Variants in WDCP observed in about 807,000 individuals in gnomAD.
The protein encoded by WDCP is WD repeat and coiled coil containing.
WDCP carries 19 observed loss-of-function variants against 41.6 expected under a neutral mutation model. The ratio of observed to expected loss-of-function variants is 0.46; its 90% confidence interval spans 0.32 to 0.67. The LOEUF is 0.67. Among genes scored for constraint, WDCP ranks in the 30% least tolerant of loss-of-function variants. WDCP has a pLI of 0.04. For missense variants in WDCP, 802 were observed against 850.7 expected, an observed-to-expected ratio of 0.94 and a Z score of 0.71; for synonymous variants, 302 against 320.8, an observed-to-expected ratio of 0.94 and a Z score of 0.63.
chr2:24,033,095 G>A (rs554184547), intron 2 of WDCP, 149 bp from the exon 3 acceptor site: 36 of 704,496 alleles, frequency 5.1e-5, no homozygotes, highest in Non-Finnish European at 7.1e-5. Context: ...GCTCTTTGCT[G>A]CATTATTTAA....
rs748388772 is a variant in WDCP at position 24,038,633 on chromosome 2, T to C, written c.862A>G (p.Ile288Val). ...SYLEPLDLTH[I>V]HFNQHKSEGN... Reference sequence around the variant, plus strand: ...TCAGACTTATGTTGATTGAAATGTATGTGAGTTAGATCCAGAGGTTCTAAA... The same window carrying C: ...TCAGACTTATGTTGATTGAAATGTACGTGAGTTAGATCCAGAGGTTCTAAA... Residue 288 changes from isoleucine to valine, a missense_variant, in exon 2 of 4, where the codon ATA (isoleucine) becomes GTA (valine). By Grantham distance (29) the Ile-to-Val change is conservative (BLOSUM62 3). Transcript: ENST00000295148. 10 of 1,614,080 alleles carry C rather than the reference T, an allele frequency of 6.2e-6. No homozygotes were observed. The highest frequency in any genetic ancestry group is 8.5e-7 in the Non-Finnish European group (1 of 1,180,030).
intron 2 of WDCP, among the ~76,000 whole-genome samples, chr2:24,036,131 G>T (rs945756668): frequency 6.6e-6 from 1 of 150,742 alleles, no homozygotes; most frequent in Non-Finnish European, 1.5e-5. Context: ...TCACAGCAAA[G>T]CTGTGACTTA....
At position 24,038,917 on chromosome 2, in the gene WDCP, C is replaced by T; in HGVS notation, c.578G>A (p.Arg193Lys). 1.9e-6 allele frequency: 3 copies of T among 1,614,230 alleles called. No individual in the cohort carries two copies. Among genetic ancestry groups the T allele is most frequent in the South Asian group, 1.1e-5 (1 of 91,086 alleles). ...IWDSAQKTLH[R>K]CSSCLVFDVD... Reference sequence around the variant, plus strand: ...ATCAAACACCAGGCAGGAGGAGCACCTGTGAAGAGTCTTCTGAGCGCTGTC... The same window carrying T: ...ATCAAACACCAGGCAGGAGGAGCACTTGTGAAGAGTCTTCTGAGCGCTGTC... Residue 193 changes from arginine (R) to lysine (K), a missense_variant, in exon 2 of 4, where the codon AGG becomes AAG. By Grantham distance (26) the Arg-to-Lys change is conservative (BLOSUM62 2). Transcript: ENST00000295148.
At chr2:24,039,590 G>A (rs536646573) in intron 1 of WDCP, 78 bp from the exon 2 acceptor site, 36 of 1,308,544 alleles carry the variant, frequency 2.8e-5, no homozygotes, top group Admixed American at 6.7e-5. Context: ...GTAAGACAAC[G>A]GCTTAGCCCC....
intron 3 of WDCP, among the ~76,000 whole-genome samples, 195 bp from the exon 4 acceptor site, chr2:24,031,357 G>A (rs1420928339): frequency 1.3e-5 from 2 of 152,074 alleles, no homozygotes; most frequent in African/African-American, 2.4e-5. Context: ...AGAAAAAGGG[G>A]AAAAAATGAA....
At chr2:24,042,231 A>G (rs1452139360) in intron 1 of WDCP, among the ~76,000 whole-genome samples, 3 of 151,738 alleles carry the variant, frequency 2.0e-5, no homozygotes, top group Non-Finnish European at 4.4e-5. Context: ...GAGAAACCCC[A>G]TCTCTACTAA....
intron 1 of WDCP, among the ~76,000 whole-genome samples, chr2:24,042,940 G>T (rs1056981055): frequency 9.9e-5 from 15 of 151,386 alleles, no homozygotes; most frequent in Admixed American, 8.6e-4. Context: ...GGCTGAGGCA[G>T]GAGAATCACT....
intron 2 of WDCP, among the ~76,000 whole-genome samples, chr2:24,036,960 A>T (rs1663274777): frequency 6.6e-6 from 1 of 152,260 alleles, no homozygotes; most frequent in Non-Finnish European, 1.5e-5. Context: ...GTATAATATG[A>T]TCCCACTTAT....
intron 1 of WDCP, among the ~76,000 whole-genome samples, chr2:24,044,936 C>A (rs1663566089): frequency 1.3e-5 from 2 of 151,420 alleles, no homozygotes; most frequent in African/African-American, 4.9e-5. Flanking sequence ...CTTAACAAGG[C>A]AATTAAAACC....
rs1271358282 is a variant in WDCP, at chr2:24,038,995, T to C, written c.500A>G (p.Asp167Gly). 1 of 1,614,088 alleles carries C rather than the reference T, an allele frequency of 6.2e-7. No homozygotes were observed. Among genetic ancestry groups the C allele is most frequent in the Non-Finnish European group, 8.5e-7 (1 of 1,180,040 alleles). The change falls in exon 2 of 4, where the codon GAT becomes GGT. Residue 167 changes from aspartate (D) to glycine (G), a missense_variant. Coordinates refer to ENST00000295148, the MANE Select transcript of WDCP (RefSeq NM_025203.3). ...TACTGCCACCACCAGCCTCAGGCCA[T>C]CCTGGGTCCAACATGCACAGTGAAT... is the stretch of plus-strand genomic sequence containing the variant. ...GRIHCACWTQ[D>G]GLRLVVAVGS... is the part of the protein sequence containing the mutation.
At chr2:24,033,286 T>C in intron 2 of WDCP, 1 of 450,712 alleles carries the variant, frequency 2.2e-6, no homozygotes, top group African/African-American at 2.0e-5. Flanking sequence ...CTGTTTCAGA[T>C]ATAGCTAAGA....
At chr2:24,045,797 ACCC>A (rs1164919770) in intron 1 of WDCP, 3 of 151,764 alleles carry the variant, frequency 2.0e-5, no homozygotes, top group Admixed American at 6.6e-5. Flanking sequence ...ACACAGGGAG[ACCC>A]CAATTCTACA....
At chr2:24,032,718 C>T in intron 3 of WDCP, 111 bp downstream of exon 3, 2 of 711,872 alleles carry the variant, frequency 2.8e-6, no homozygotes, top group Admixed American at 2.2e-5. Context: ...GTTAACTATC[C>T]AGTGAATTAC....
Position 24,029,746 on chromosome 2 carries a change from G to A in WDCP, c.*1187C>T, listed in dbSNP as rs760492119. Reference sequence around the variant, plus strand: ...TTTTAAAGGAAGGGGGGAAAAGGAAGCATATGTGCTAATGGAGCTTCTATG... The same window carrying A: ...TTTTAAAGGAAGGGGGGAAAAGGAAACATATGTGCTAATGGAGCTTCTATG... On this transcript the variant is annotated 3_prime_UTR_variant, in exon 4 of 4. Transcript: ENST00000295148. 2 of 152,230 alleles carry A rather than the reference G, an allele frequency of 1.3e-5. No individual in the cohort carries two copies. The highest frequency in any genetic ancestry group is 1.5e-5 in the Non-Finnish European group (1 of 68,048). The allele number at this position is 152,230 out of a possible 1,614,324, so 9.4% of individuals were successfully genotyped here.
chr2:24,032,744 C>A, intron 3 of WDCP, 85 bp downstream of exon 3: 1 of 767,378 alleles, frequency 1.3e-6, no homozygotes, highest in Non-Finnish European at 2.4e-6. Context: ...GGTTGGTATC[C>A]CTCATTTTCA....
Position 24,030,905 on chromosome 2 carries a change from G to A in WDCP, c.*28C>T. 6.5e-7 allele frequency: 1 copy of A among 1,544,468 alleles called. No homozygotes were observed. Among genetic ancestry groups the A allele is most frequent in the South Asian group, 1.1e-5 (1 of 89,126 alleles). On this transcript the variant is annotated 3_prime_UTR_variant, in exon 4 of 4. Coordinates refer to ENST00000295148, the MANE Select transcript of WDCP (RefSeq NM_025203.3). ...CTTGTTTGTAATGGTCTCATCTGAA[G>A]AGCTACACAGCAAGGACACTGCAGA...
intron 2 of WDCP, among the ~76,000 whole-genome samples, chr2:24,035,725 G>C (rs1325566233): frequency 1.3e-5 from 2 of 151,318 alleles, no homozygotes; most frequent in Non-Finnish European, 2.9e-5. Context: ...AACAAGCCTG[G>C]GCAACATAGC....
Position 24,031,252 on chromosome 2 carries a change from G to A in WDCP, c.1937-90C>T, listed in dbSNP as rs1663088190. 8 of 812,408 alleles carry A rather than the reference G, an allele frequency of 9.8e-6. 1 individual carries two copies. The South Asian group carries it at 1.4e-4, about 15-fold the overall frequency. The allele number at this position is 812,408 out of a possible 1,614,324, so 50.3% of individuals were successfully genotyped here. On this transcript the variant is annotated intron_variant, in intron 3 of 3. Coordinates refer to ENST00000295148, the MANE Select transcript of WDCP (RefSeq NM_025203.3). ...TACAAATTTTTTTTTCTGAGTGAAG[G>A]AATATAGTAGTTGATAATATTCAAC...
chr2:24,036,849 C>T (rs1300209731), intron 2 of WDCP, among the ~76,000 whole-genome samples: 1 of 152,126 alleles, frequency 6.6e-6, no homozygotes, highest in Admixed American at 6.5e-5. Context: ...TGGAGAAAGT[C>T]ACGAAAGGAT....
Sources: gnomAD v4.1 joint callset for allele counts (sites outside exome capture counted in the v4.1 genomes callset) on GRCh38, gnomAD v4.1.1 for gene constraint, MANE v1.5 for transcripts, NCBI Gene and HGNC (gene_info 2026-07-23, HGNC 2026-07-21) for gene names.